The following NCAPH variants were observed in gnomAD, a reference collection of about 807,000 sequenced individuals.
The protein encoded by NCAPH is non-SMC condensin I complex subunit H.
A neutral mutation model predicts 85.5 loss-of-function variants in NCAPH; 38 were observed. The ratio of observed to expected loss-of-function variants is 0.44; its 90% confidence interval spans 0.34 to 0.58. The LOEUF is 0.58. Ranked by LOEUF, NCAPH falls within the 20% of genes least tolerant of loss-of-function variation. The pLI, the probability that NCAPH is intolerant of heterozygous loss-of-function variation, is 0.01. For synonymous variants in NCAPH, 301 were observed against 335.1 expected (o/e 0.90, Z 1.11); for missense variants, 789 against 916.6 (o/e 0.86, Z 1.80).
rs1373376082 is a variant in NCAPH at position 96,375,772 on chromosome 2, G to C, written c.*2421G>C. On this transcript the variant is annotated 3_prime_UTR_variant, in exon 18 of 18. Coordinates refer to ENST00000240423, the MANE Select transcript of NCAPH (RefSeq NM_015341.5). ...TTATGAGAGACCGGGGATCCTTCCA[G>C]CTCATCCTTCTGTTTCAGTGTGGCT... is the stretch of plus-strand genomic sequence containing the variant. Among the ~76,000 whole-genome samples the C allele has an allele frequency of 1.3e-5, 2 of 152,162 alleles. No homozygotes were observed. The highest frequency in any genetic ancestry group is 4.8e-5 in the African/African-American group (2 of 41,434).
chr2:96,372,132 C>T (rs2064782703), intron 17 of NCAPH, among the ~76,000 whole-genome samples: 1 of 152,160 alleles, frequency 6.6e-6, no homozygotes, highest in African/African-American at 2.4e-5. Flanking sequence ...CCAGGGCAGG[C>T]TGGTTGTGGT....
rs2064808821 is a variant in NCAPH, at chr2:96,374,260, C to T, written c.*909C>T. Among the ~76,000 whole-genome samples the T allele has an allele frequency of 6.6e-6, 1 of 152,188 alleles. No individual in the cohort carries two copies. ...TCTGCCTCCAGAGTCTGCTCTCGGC[C>T]ATTGTGCTATGTGCTACCTGGATAG... On this transcript the variant is annotated 3_prime_UTR_variant, in exon 18 of 18. Transcript: ENST00000240423.
chr2:96,359,383 G>A, intron 10 of NCAPH, 190 bp downstream of exon 10: 1 of 627,980 alleles, frequency 1.6e-6, no homozygotes. Context: ...CAGTGAAAAT[G>A]GAAGCCTCTG....
At chr2:96,337,536 C>G (rs2064231090) in intron 1 of NCAPH, among the ~76,000 whole-genome samples, 2 of 152,204 alleles carry the variant, frequency 1.3e-5, no homozygotes, top group Non-Finnish European at 2.9e-5. Flanking sequence ...TCTCCTGCCT[C>G]AGCCTCCCGA....
At chr2:96,361,612 G>A (rs1304023781) in intron 12 of NCAPH, among the ~76,000 whole-genome samples, 1 of 151,424 alleles carries the variant, frequency 6.6e-6, no homozygotes, top group East Asian at 1.9e-4. Flanking sequence ...CTGCTGACAG[G>A]GTAAGCAGTG....
rs1452452812 is a variant in NCAPH at position 96,374,839 on chromosome 2, C to T, written c.*1488C>T. On this transcript the variant is annotated 3_prime_UTR_variant, in exon 18 of 18. Transcript: ENST00000240423. ...ATTCCTGAGAGTAGAACTGGCTAAGCCCATTCCTTCCCTCAGTCAGCCCCA... is the reference window on the plus strand; with the variant it reads ...ATTCCTGAGAGTAGAACTGGCTAAGTCCATTCCTTCCCTCAGTCAGCCCCA... 6.6e-6 allele frequency among the ~76,000 whole-genome samples: 1 copy of T among 152,130 alleles called. No homozygotes were observed. Among genetic ancestry groups the T allele is most frequent in the Non-Finnish European group, 1.5e-5 (1 of 68,020 alleles).
chr2:96,369,148 TC>T, intron 16 of NCAPH, 85 bp downstream of exon 16: 1 of 1,310,524 alleles, frequency 7.6e-7, no homozygotes. Flanking sequence ...ACAACCTGTT[TC>T]CTATGACATT....
In NCAPH at chr2:96,375,429, T is replaced by C. The variant is rs903182136; in HGVS notation, c.*2078T>C. 1.4e-4 allele frequency among the ~76,000 whole-genome samples: 22 copies of C among 152,230 alleles called. No individual in the cohort carries two copies. The highest frequency in any genetic ancestry group is 5.1e-4 in the African/African-American group (21 of 41,546). ...GAGGGCAGATCCCTCGTGAATGGGA[T>C]TAGTGCTCTTATAAAAGAGGCCTGA... On this transcript the variant is annotated 3_prime_UTR_variant, in exon 18 of 18. Coordinates refer to ENST00000240423, the MANE Select transcript of NCAPH (RefSeq NM_015341.5).
intron 6 of NCAPH, among the ~76,000 whole-genome samples, chr2:96,348,140 A>G (rs2064385791): frequency 4.0e-5 from 6 of 151,760 alleles, no homozygotes; most frequent in Admixed American, 3.9e-4. Context: ...GCTGGCCCCA[A>G]CCACATCTCG....
intron 5 of NCAPH, 142 bp downstream of exon 5, chr2:96,343,446 T>G (rs1456317072): frequency 1.0e-6 from 1 of 974,368 alleles, no homozygotes; most frequent in Admixed American, 3.5e-5. Flanking sequence ...CCATATATGG[T>G]CTTACGTGAG....
intron 17 of NCAPH, among the ~76,000 whole-genome samples, chr2:96,372,183 G>A (rs1156571181): frequency 6.6e-6 from 1 of 152,186 alleles, no homozygotes; most frequent in East Asian, 1.9e-4. Context: ...TTAGTCCTGA[G>A]GGAAACACTG....
intron 12 of NCAPH, among the ~76,000 whole-genome samples, chr2:96,361,857 G>T (rs1573089921): frequency 9.1e-6 from 1 of 109,428 alleles, no homozygotes; most frequent in Non-Finnish European, 1.8e-5. Context: ...TGAATTGACT[G>T]ATATTACACA....
chr2:96,353,344 C>A lies in NCAPH; in HGVS notation c.949C>A (p.Pro317Thr). Reference protein sequence around the residue: ...QQCAEDRQICPSLAGFQFTQW... With the variant: ...QQCAEDRQICTSLAGFQFTQW... ...GTGTGCAGAAGATCGCCAGATCTGC[C>A]CTTCCCTGGCCGGGTTCCAGTTTAC... is the stretch of plus-strand genomic sequence containing the variant. Residue 317 changes from proline (P) to threonine (T), a missense_variant, in exon 8 of 18, where the codon CCT becomes ACT. Pro to Thr is a conservative substitution (Grantham distance 38). Coordinates refer to ENST00000240423, the MANE Select transcript of NCAPH (RefSeq NM_015341.5). 1 of 1,614,230 alleles carries A rather than the reference C, an allele frequency of 6.2e-7. No individual in the cohort carries two copies. The highest frequency in any genetic ancestry group is 1.6e-4 in the Middle Eastern group (1 of 6,062).
At chr2:96,367,732 A>AC (rs1247143294) in intron 15 of NCAPH, among the ~76,000 whole-genome samples, 1 of 152,248 alleles carries the variant, frequency 6.6e-6, no homozygotes, top group African/African-American at 2.4e-5. Flanking sequence ...TAGGCAGGTC[A>AC]CACAGACTGT....
chr2:96,373,355 C>G lies in NCAPH; in HGVS notation c.*4C>G. 6.2e-7 allele frequency: 1 copy of G among 1,613,318 alleles called. No homozygotes were observed. Among genetic ancestry groups the G allele is most frequent in the Non-Finnish European group, 8.5e-7 (1 of 1,179,488 alleles). On this transcript the variant is annotated 3_prime_UTR_variant, in exon 18 of 18. Coordinates refer to ENST00000240423, the MANE Select transcript of NCAPH (RefSeq NM_015341.5). ...TCTTGTGAGGCAAGGAGATTGAGTT[C>G]ACTATGGAGAAGTCAGCAGCAGGAG...
At chr2:96,337,430 T>G (rs1370672151) in intron 1 of NCAPH, among the ~76,000 whole-genome samples, 4 of 152,076 alleles carry the variant, frequency 2.6e-5, no homozygotes, top group Non-Finnish European at 4.4e-5. Context: ...TTGTTTTTTG[T>G]TTTTTTTGAG....
chr2:96,360,541 G>T (rs1166186610), intron 11 of NCAPH, 47 bp from the exon 12 acceptor site: 3 of 1,604,164 alleles, frequency 1.9e-6, no homozygotes, highest in East Asian at 4.5e-5. Context: ...AAGATGTTTT[G>T]CCCACTGTTA....
intron 1 of NCAPH, among the ~76,000 whole-genome samples, chr2:96,337,715 GC>G (rs1242012051): frequency 6.6e-6 from 1 of 151,672 alleles, no homozygotes; most frequent in East Asian, 2.0e-4. Flanking sequence ...ACCGCGCCCG[GC>G]CTATTATTTT....
At position 96,369,127 on chromosome 2, in the gene NCAPH, G is replaced by A. The variant is rs182058153; in HGVS notation, c.2090+64G>A. On this transcript the variant is annotated intron_variant, in intron 16 of 17. Coordinates refer to ENST00000240423, the MANE Select transcript of NCAPH (RefSeq NM_015341.5). ...CCTCTCTGAGCTGTCCGCGTGGCAG[G>A]CCTTCCACACACAACCTGTTTCCTA... is the stretch of plus-strand genomic sequence containing the variant. 1.5e-4 allele frequency: 222 copies of A among 1,452,438 alleles called. 3 individuals carry two copies. In the East Asian group the frequency reaches 3.3e-3, roughly 21 times the overall value. 90.0% of individuals were successfully genotyped at this position (1,452,438 alleles called of 1,614,324 possible). A position where few individuals can be genotyped will look rare whatever the true frequency, so the allele number is the denominator to read the frequency against.
Sources: gnomAD v4.1 joint callset for allele counts (sites outside exome capture counted in the v4.1 genomes callset) on GRCh38, gnomAD v4.1.1 for gene constraint, MANE v1.5 for transcripts, NCBI Gene and HGNC (gene_info 2026-07-23, HGNC 2026-07-21) for gene names.